Variants in MSRA observed in about 807,000 individuals in gnomAD.
MSRA encodes the protein mitochondrial peptide methionine sulfoxide reductase.
In MSRA, 54 loss-of-function variants were observed where a neutral mutation model predicts 31.3. The ratio of observed to expected loss-of-function variants is 1.73; its 90% CI spans 1.39 to 2.17. The LOEUF is 2.17. Among genes scored for constraint, MSRA ranks in the 30% most tolerant of loss-of-function variants. The probability of loss-of-function intolerance (pLI) is 0.00; values close to 1 mark genes in which losing one functional copy is unlikely to be tolerated. For synonymous variants in MSRA, 169 were observed against 116.5 expected (o/e 1.45, Z -2.90); for missense variants, 507 against 300.9 (o/e 1.69, Z -5.07).
rs538806787 is a variant in MSRA at position 10,400,514 on chromosome 8, A to C, written c.544-27634A>C. Among the ~76,000 whole-genome samples, 17 of 152,274 alleles carry C rather than the reference A, an allele frequency of 1.1e-4. 1 individual carries two copies. In the South Asian group the frequency reaches 2.5e-3, roughly 22 times the overall value. ...AGTGAGAACAGGTATGACAAAGGAC[A>C]AAGACAGATATTGGTCCATGCTGAC... On this transcript the variant is annotated intron_variant, in intron 5 of 5. Coordinates refer to ENST00000317173, the MANE Select transcript of MSRA (RefSeq NM_012331.5).
chr8:10,340,331 C>T (rs1803345065), intron 5 of MSRA, among the ~76,000 whole-genome samples: 1 of 152,110 alleles, frequency 6.6e-6, no homozygotes, highest in Admixed American at 6.5e-5. Flanking sequence ...ATCCGAATTC[C>T]ACGTATGGTG....
intron 5 of MSRA, among the ~76,000 whole-genome samples, chr8:10,326,139 A>C (rs551560481): frequency 1.5e-4 from 23 of 152,252 alleles, no homozygotes; most frequent in Middle Eastern, 6.8e-3. Flanking sequence ...ATGTTGACTT[A>C]GGTTACTAAT....
chr8:10,369,819 T>A (rs771509731), intron 5 of MSRA, among the ~76,000 whole-genome samples: 1 of 152,160 alleles, frequency 6.6e-6, no homozygotes, highest in African/African-American at 2.4e-5. Flanking sequence ...AAAATACATA[T>A]GAGAATTATT....
At chr8:10,173,481 C>A (rs755363508) in intron 1 of MSRA, among the ~76,000 whole-genome samples, 13 of 152,206 alleles carry the variant, frequency 8.5e-5, no homozygotes, top group Admixed American at 2.0e-4. Context: ...TGGGCCAAGT[C>A]TTCTTTCCGT....
chr8:10,234,210 G>C (rs1405668852), intron 2 of MSRA, among the ~76,000 whole-genome samples: 1 of 152,146 alleles, frequency 6.6e-6, no homozygotes, highest in African/African-American at 2.4e-5. Flanking sequence ...ATAAGAAACA[G>C]TAATTAGTTA....
chr8:10,074,046 C>G (rs1433227559), intron 1 of MSRA, among the ~76,000 whole-genome samples: 1 of 35,058 alleles, frequency 2.9e-5, no homozygotes, highest in African/African-American at 1.1e-4. Context: ...TTTGTTTTGT[C>G]TAAGGGAGGT....
At chr8:10,260,908 C>T (rs1798445448) in intron 3 of MSRA, among the ~76,000 whole-genome samples, 1 of 152,100 alleles carries the variant, frequency 6.6e-6, no homozygotes. Context: ...GATAGATATT[C>T]AAAATATAGC....
At chr8:10,248,009 C>G (rs1316709100) in intron 3 of MSRA, among the ~76,000 whole-genome samples, 5 of 152,126 alleles carry the variant, frequency 3.3e-5, no homozygotes, top group African/African-American at 9.7e-5. Context: ...GGCGGGCCTC[C>G]CCTCTGAAGC....
intron 1 of MSRA, among the ~76,000 whole-genome samples, chr8:10,181,474 G>C (rs193271406): frequency 6.6e-6 from 1 of 151,300 alleles, no homozygotes; most frequent in Non-Finnish European, 1.5e-5. Context: ...GAGAGGAAAT[G>C]AGGCCGAAGA....
intron 5 of MSRA, among the ~76,000 whole-genome samples, chr8:10,425,471 G>T (rs1325398525): frequency 6.6e-6 from 1 of 152,244 alleles, no homozygotes; most frequent in Non-Finnish European, 1.5e-5. Context: ...GGGCAGTGGC[G>T]CTGGCCTCCC....
intron 5 of MSRA, among the ~76,000 whole-genome samples, chr8:10,381,608 C>A (rs937091102): frequency 3.9e-5 from 6 of 152,200 alleles, no homozygotes; most frequent in Non-Finnish European, 8.8e-5. Context: ...CACACATGCC[C>A]TCAAACCTTG....
At chr8:10,114,562 C>T (rs1396855284) in intron 1 of MSRA, among the ~76,000 whole-genome samples, 2 of 151,992 alleles carry the variant, frequency 1.3e-5, no homozygotes, top group Admixed American at 6.5e-5. Flanking sequence ...TATCTCATTC[C>T]AAGTGTGTGC....
At chr8:10,248,440 C>T (rs796993353) in intron 3 of MSRA, among the ~76,000 whole-genome samples, 2 of 152,262 alleles carry the variant, frequency 1.3e-5, no homozygotes, top group African/African-American at 4.8e-5. Context: ...TGATGACGCA[C>T]ATCAGAGCTT....
intron 1 of MSRA, among the ~76,000 whole-genome samples, chr8:10,197,899 A>C (rs1457381974): frequency 6.6e-6 from 1 of 152,198 alleles, no homozygotes; most frequent in African/African-American, 2.4e-5. Flanking sequence ...AGGTGCCCAC[A>C]ACCCTGGGAA....
intron 5 of MSRA, among the ~76,000 whole-genome samples, chr8:10,331,132 A>G (rs978844816): frequency 2.0e-5 from 3 of 152,260 alleles, no homozygotes; most frequent in African/African-American, 7.2e-5. Flanking sequence ...CTACCTTGCC[A>G]GAACCTTGAT....
chr8:10,155,233 G>A (rs989103712), intron 1 of MSRA, among the ~76,000 whole-genome samples: 3 of 152,074 alleles, frequency 2.0e-5, no homozygotes, highest in Non-Finnish European at 4.4e-5. Flanking sequence ...AAACTATTTT[G>A]TGTTTATTTA....
intron 5 of MSRA, among the ~76,000 whole-genome samples, chr8:10,417,754 T>TTTGTGTGTGTGTGTGTGTGTGTGTGTGTG (rs1808557956): frequency 1.5e-5 from 2 of 129,842 alleles, no homozygotes; most frequent in African/African-American, 5.7e-5. Context: ...AACCTGCATG[T>TTTGTGTGTGTGTGTGTGTGTGTGTGTGTG]TGTGTGTGTG....
intron 5 of MSRA, among the ~76,000 whole-genome samples, chr8:10,421,008 C>G (rs548504434): frequency 6.6e-6 from 1 of 152,016 alleles, no homozygotes; most frequent in Non-Finnish European, 1.5e-5. Context: ...AAAAACAAAC[C>G]ACCACCAAAA....
At chr8:10,168,852 A>T (rs1034500729) in intron 1 of MSRA, among the ~76,000 whole-genome samples, 1 of 152,210 alleles carries the variant, frequency 6.6e-6, no homozygotes, top group African/African-American at 2.4e-5. Context: ...GACATCTTGA[A>T]CATGCTAAAT....
Sources: gnomAD v4.1 joint callset for allele counts (sites outside exome capture counted in the v4.1 genomes callset) on GRCh38, gnomAD v4.1.1 for gene constraint, MANE v1.5 for transcripts, NCBI Gene and HGNC (gene_info 2026-07-23, HGNC 2026-07-21) for gene names.